NYAP2: variants seen among roughly 807,000 people sequenced by gnomAD.
NYAP2 encodes neuronal tyrosine-phosphorylated phosphoinositide-3-kinase adapter 2.
NYAP2 carries 23 observed loss-of-function variants against 50.4 expected under a neutral mutation model. The ratio of observed to expected loss-of-function variants is 0.46; its 90% CI spans 0.33 to 0.65. The LOEUF (loss-of-function observed/expected upper bound fraction) is 0.65, where lower values mean the gene tolerates loss of function less well. Among genes scored for constraint, NYAP2 ranks in the 30% least tolerant of loss-of-function variants. NYAP2 has a pLI of 0.02. For synonymous variants in NYAP2, 394 were observed against 365.2 expected (o/e 1.08, Z -0.90); for missense variants, 885 against 861.0 (o/e 1.03, Z -0.35).
intron 3 of NYAP2, among the ~76,000 whole-genome samples, chr2:225,436,643 G>A (rs527283524): frequency 8.7e-4 from 132 of 151,386 alleles, no homozygotes; most frequent in Non-Finnish European, 1.5e-3. Context: ...ATTAATTTTG[G>A]GGAGGACACA....
At chr2:225,540,256 G>T (rs1691434575) in intron 4 of NYAP2, among the ~76,000 whole-genome samples, 2 of 152,118 alleles carry the variant, frequency 1.3e-5, no homozygotes, top group African/African-American at 4.8e-5. Context: ...ATCTTTTCAG[G>T]ATTGCCCTAC....
chr2:225,614,170 G>A (rs906142234), intron 5 of NYAP2, among the ~76,000 whole-genome samples: 7 of 152,066 alleles, frequency 4.6e-5, no homozygotes, highest in African/African-American at 1.7e-4. Flanking sequence ...CCCCAAGCCA[G>A]GATGTTTTAT....
intron 4 of NYAP2, among the ~76,000 whole-genome samples, chr2:225,579,363 A>G (rs1344142106): frequency 1.3e-5 from 2 of 152,214 alleles, no homozygotes; most frequent in African/African-American, 4.8e-5. Flanking sequence ...CCCGTGTCAT[A>G]CAACATCTAT....
At chr2:225,672,577 C>T in the NYAP2 span, among the ~76,000 whole-genome samples, 4 of 152,094 alleles carry the variant, frequency 2.6e-5, no homozygotes, top group Non-Finnish European at 5.9e-5. Flanking sequence ...AAGAACTTTT[C>T]CTTTGCATTC....
intron 6 of NYAP2, among the ~76,000 whole-genome samples, chr2:225,640,483 G>A (rs1283526912): frequency 6.6e-6 from 1 of 152,180 alleles, no homozygotes; most frequent in African/African-American, 2.4e-5. Flanking sequence ...TGTGATCTCA[G>A]TTGGTTTTAT....
At chr2:225,464,205 C>A (rs1187885519) in intron 3 of NYAP2, among the ~76,000 whole-genome samples, 1 of 152,148 alleles carries the variant, frequency 6.6e-6, no homozygotes, top group East Asian at 1.9e-4. Context: ...TTCTGACAGC[C>A]ATGTTAACTC....
downstream of NYAP2, among the ~76,000 whole-genome samples, chr2:225,655,927 CATACACACAT>C (rs1483141140): frequency 4.6e-4 from 45 of 97,300 alleles, no homozygotes; most frequent in East Asian, 7.6e-4. Flanking sequence ...CACACACACA[CATACACACAT>C]ACACACACAC....
chr2:225,545,137 G>A (rs1691550634), intron 4 of NYAP2, among the ~76,000 whole-genome samples: 1 of 151,978 alleles, frequency 6.6e-6, no homozygotes, highest in South Asian at 2.1e-4. Context: ...TTGACCTTTG[G>A]AAGTTCGCTT....
chr2:225,583,076 C>T, intron 5 of NYAP2, 41 bp downstream of exon 5: 1 of 1,583,550 alleles, frequency 6.3e-7, no homozygotes, highest in Non-Finnish European at 8.6e-7. Context: ...AGCCCAGTGC[C>T]AGGCTTACAA....
At chr2:225,651,650 C>T (rs1321389499) in exon 7 of NYAP2, 1 of 1,500,854 alleles carries the variant, frequency 6.7e-7, no homozygotes, top group Non-Finnish European at 9.1e-7. Flanking sequence ...TTTTATTTTT[C>T]TATGTGTGTA....
At chr2:225,697,951 T>C in the NYAP2 span, among the ~76,000 whole-genome samples, 6 of 151,846 alleles carry the variant, frequency 4.0e-5, no homozygotes, top group Non-Finnish European at 8.8e-5. Context: ...GGCGGGAGAA[T>C]TGCTTGAACC....
chr2:225,635,701 G>A (rs531171377), intron 6 of NYAP2, among the ~76,000 whole-genome samples: 11 of 152,260 alleles, frequency 7.2e-5, no homozygotes, highest in African/African-American at 1.9e-4. Flanking sequence ...TGTGGCCAGT[G>A]TGATGACCCT....
At chr2:225,608,454 G>A (rs1255798696) in intron 5 of NYAP2, among the ~76,000 whole-genome samples, 3 of 151,956 alleles carry the variant, frequency 2.0e-5, no homozygotes, top group Non-Finnish European at 4.4e-5. Context: ...ATCATATCCT[G>A]CTCCTTGAAA....
chr2:225,444,663 C>T (rs531746714), intron 3 of NYAP2, among the ~76,000 whole-genome samples: 1 of 152,224 alleles, frequency 6.6e-6, no homozygotes, highest in Non-Finnish European at 1.5e-5. Flanking sequence ...TGTATTGTGG[C>T]AAGGCAAGGG....
downstream of NYAP2, among the ~76,000 whole-genome samples, chr2:225,654,958 A>G (rs1326465090): frequency 6.6e-6 from 1 of 152,126 alleles, no homozygotes; most frequent in African/African-American, 2.4e-5. Context: ...TTGTAGGTGG[A>G]GTTAGGTGAA....
At chr2:225,663,220 C>T in the NYAP2 span, among the ~76,000 whole-genome samples, 4 of 151,682 alleles carry the variant, frequency 2.6e-5, no homozygotes, top group Admixed American at 6.6e-5. Context: ...TGCTTTTTTT[C>T]TCTTGAATCC....
intron 2 of NYAP2, among the ~76,000 whole-genome samples, chr2:225,402,873 A>T (rs894119233): frequency 2.6e-5 from 4 of 151,754 alleles, no homozygotes; most frequent in African/African-American, 9.7e-5. Context: ...AGATTTTATC[A>T]GAAAAAAATT....
chr2:225,473,335 G>T (rs62187059), intron 3 of NYAP2, among the ~76,000 whole-genome samples: 1 of 152,184 alleles, frequency 6.6e-6, no homozygotes, highest in Non-Finnish European at 1.5e-5. Flanking sequence ...GTAATGGGAT[G>T]GCTGGGTCAA....
At chr2:225,597,911 T>C (rs900485286) in intron 5 of NYAP2, among the ~76,000 whole-genome samples, 1 of 152,158 alleles carries the variant, frequency 6.6e-6, no homozygotes, top group Non-Finnish European at 1.5e-5. Context: ...AAGGTTCAAA[T>C]GAAATAAATT....
Sources: gnomAD v4.1 joint callset for allele counts (sites outside exome capture counted in the v4.1 genomes callset) on GRCh38, gnomAD v4.1.1 for gene constraint, MANE v1.5 for transcripts, NCBI Gene and HGNC (gene_info 2026-07-23, HGNC 2026-07-21) for gene names.